MEF2A: variants seen among roughly 807,000 people sequenced by gnomAD.
The protein encoded by MEF2A is myocyte enhancer factor 2A.
In MEF2A, 28 loss-of-function variants were observed where a neutral mutation model predicts 55.8. That is an observed-to-expected ratio of 0.50 (90% CI 0.37 to 0.69). The LOEUF is 0.69. Among genes scored for constraint, MEF2A ranks in the 30% least tolerant of loss-of-function variants. The pLI is 0.00. For synonymous variants in MEF2A, 239 were observed against 227.1 expected (o/e 1.05, Z -0.47); for missense variants, 528 against 626.2 (o/e 0.84, Z 1.67).
intron 2 of MEF2A, among the ~76,000 whole-genome samples, chr15:99,599,292 G>T (rs1389316640): frequency 6.6e-6 from 1 of 152,114 alleles, no homozygotes; most frequent in South Asian, 2.1e-4. Flanking sequence ...ATATTCTGCA[G>T]TGTGTTATAA....
chr15:99,581,830 C>A (rs1240634676), intron 1 of MEF2A, among the ~76,000 whole-genome samples: 1 of 151,988 alleles, frequency 6.6e-6, no homozygotes, highest in Non-Finnish European at 1.5e-5. Flanking sequence ...GGGAATGCTT[C>A]ACGGAAGGAT....
At chr15:99,626,560 T>G (rs553421158) in intron 2 of MEF2A, among the ~76,000 whole-genome samples, 1 of 152,310 alleles carries the variant, frequency 6.6e-6, no homozygotes, top group African/African-American at 2.4e-5. Flanking sequence ...TTTTTATGGC[T>G]TTATATAGTA....
At chr15:99,567,670 T>G (rs1960302159) in intron 1 of MEF2A, among the ~76,000 whole-genome samples, 1 of 151,922 alleles carries the variant, frequency 6.6e-6, no homozygotes, top group African/African-American at 2.4e-5. Flanking sequence ...TGTGTATTTT[T>G]GGAGAGCTCA....
chr15:99,588,994 C>T (rs1968352912), intron 1 of MEF2A, among the ~76,000 whole-genome samples: 1 of 152,138 alleles, frequency 6.6e-6, no homozygotes. Context: ...TGCCTCTATA[C>T]CCAAGTGACA....
At chr15:99,617,166 T>C (rs2040335305) in intron 2 of MEF2A, among the ~76,000 whole-genome samples, 1 of 152,140 alleles carries the variant, frequency 6.6e-6, no homozygotes, top group Non-Finnish European at 1.5e-5. Context: ...TCATTTCTTA[T>C]AAAGACTGCC....
At position 99,715,934 on chromosome 15, in the gene MEF2A, A is replaced by G. The variant is rs1226110138; in HGVS notation, c.*3163A>G. On this transcript the variant is annotated 3_prime_UTR_variant, in exon 12 of 12. Transcript: ENST00000557942. ...ATCAGGGGTTTGTTCTACAAGAACAATACATGTTTTACCCTTTCCTTTAAC... is the reference window on the plus strand; with the variant it reads ...ATCAGGGGTTTGTTCTACAAGAACAGTACATGTTTTACCCTTTCCTTTAAC... 6.5e-6 allele frequency: 1 copy of G among 152,990 alleles called. No homozygotes were observed. Among genetic ancestry groups the G allele is most frequent in the Non-Finnish European group, 1.5e-5 (1 of 68,600 alleles). 9.5% of individuals were successfully genotyped at this position (152,990 alleles called of 1,614,324 possible).
chr15:99,576,602 T>TA (rs1261699565), intron 1 of MEF2A, among the ~76,000 whole-genome samples: 1 of 151,996 alleles, frequency 6.6e-6, no homozygotes, highest in African/African-American at 2.4e-5. Flanking sequence ...ATTTTGTTTT[T>TA]AATAACTGTT....
Position 99,714,143 on chromosome 15 carries a change from T to C in MEF2A, c.*1372T>C, listed in dbSNP as rs1391531847. 6.6e-6 allele frequency: 1 copy of C among 152,200 alleles called. No homozygotes were observed. Among genetic ancestry groups the C allele is most frequent in the Non-Finnish European group, 1.5e-5 (1 of 68,040 alleles). The allele number at this position is 152,200 out of a possible 1,614,324, so 9.4% of individuals were successfully genotyped here. A position where few individuals can be genotyped will look rare whatever the true frequency, so the allele number is the denominator to read the frequency against. On this transcript the variant is annotated 3_prime_UTR_variant, in exon 12 of 12. Coordinates refer to ENST00000557942, the MANE Select transcript of MEF2A (RefSeq NM_001319206.4). ...TTGTGCTGTATGGGTTGAGCATCAT[T>C]ATATATTTTGTATGTGTACATAAAT...
At chr15:99,699,978 GTGTGTGTATATA>G (rs1021077310) in intron 8 of MEF2A, among the ~76,000 whole-genome samples, 14 of 99,478 alleles carry the variant, frequency 1.4e-4, no homozygotes, top group South Asian at 5.0e-4. Flanking sequence ...GTGTGTGTGT[GTGTGTGTATATA>G]TATATATATA....
At chr15:99,673,247 G>T (rs2051231643) in intron 5 of MEF2A, among the ~76,000 whole-genome samples, 1 of 152,134 alleles carries the variant, frequency 6.6e-6, no homozygotes, top group Non-Finnish European at 1.5e-5. Context: ...GCCTTAAGGA[G>T]TTACTTTTGG....
intron 1 of MEF2A, among the ~76,000 whole-genome samples, chr15:99,569,884 A>G (rs1961371412): frequency 6.6e-6 from 1 of 152,020 alleles, no homozygotes; most frequent in African/African-American, 2.4e-5. Flanking sequence ...GTGCCTTATA[A>G]TAAATGGACC....
At chr15:99,625,535 T>G (rs1306245014) in intron 2 of MEF2A, among the ~76,000 whole-genome samples, 1 of 152,148 alleles carries the variant, frequency 6.6e-6, no homozygotes, top group Non-Finnish European at 1.5e-5. Flanking sequence ...GTGAAAGTGG[T>G]CATCCGTATC....
intron 4 of MEF2A, among the ~76,000 whole-genome samples, chr15:99,648,034 G>A (rs1332772921): frequency 6.6e-6 from 1 of 152,134 alleles, no homozygotes; most frequent in Non-Finnish European, 1.5e-5. Flanking sequence ...TAGTGTAATG[G>A]CTTACGCTAA....
chr15:99,674,429 A>C lies in MEF2A; in HGVS notation c.427A>C (p.Thr143Pro), dbSNP rs1165776215. Residue 143 changes from threonine to proline, a missense_variant, in exon 6 of 12, where the codon ACA becomes CCA. Transcript: ENST00000557942. ...ACCTCAGAACTTTTCAATGTCTGTC[A>C]CAGTTCCAGTGACCAGCCCCAATGC... ...LPPQNFSMSV[T>P]VPVTSPNALS... 1 of 1,612,938 alleles carries C rather than the reference A, an allele frequency of 6.2e-7. No individual in the cohort carries two copies. The highest frequency in any genetic ancestry group is 1.3e-5 in the African/African-American group (1 of 74,910).
intron 1 of MEF2A, among the ~76,000 whole-genome samples, chr15:99,575,832 C>G (rs1194643707): frequency 6.6e-6 from 1 of 152,174 alleles, no homozygotes; most frequent in Non-Finnish European, 1.5e-5. Context: ...ATTTTGATAT[C>G]AATATGATAT....
At chr15:99,609,534 T>C (rs1976397259) in intron 2 of MEF2A, among the ~76,000 whole-genome samples, 1 of 152,186 alleles carries the variant, frequency 6.6e-6, no homozygotes, top group Non-Finnish European at 1.5e-5. Context: ...GACATAATGT[T>C]GTATTTTAAA....
intron 9 of MEF2A, among the ~76,000 whole-genome samples, chr15:99,703,726 A>T (rs192120314): frequency 3.3e-5 from 5 of 152,286 alleles, no homozygotes; most frequent in Admixed American, 1.3e-4. Flanking sequence ...TTAGAAAATG[A>T]CTTCACCCTC....
At chr15:99,683,085 A>G (rs2053538469) in intron 7 of MEF2A, among the ~76,000 whole-genome samples, 1 of 152,174 alleles carries the variant, frequency 6.6e-6, no homozygotes, top group Non-Finnish European at 1.5e-5. Flanking sequence ...CCTCTGTCCA[A>G]GTCATATATG....
At chr15:99,664,716 G>A (rs2049278948) in intron 4 of MEF2A, among the ~76,000 whole-genome samples, 1 of 152,174 alleles carries the variant, frequency 6.6e-6, no homozygotes, top group South Asian at 2.1e-4. Context: ...TAAGTCCCAA[G>A]GAGAGACCGG....
Sources: allele counts gnomAD v4.1 joint callset (sites outside exome capture counted in the v4.1 genomes callset), GRCh38; gene constraint gnomAD v4.1.1; transcripts MANE v1.5; gene names NCBI Gene and HGNC (gene_info 2026-07-23, HGNC 2026-07-21).